Variants in SGCD observed in about 807,000 individuals in gnomAD.
SGCD encodes sarcoglycan delta.
In SGCD, 18 loss-of-function variants were observed where a neutral mutation model predicts 36.6. That is an observed-to-expected ratio of 0.49 (90% CI 0.34 to 0.73). SGCD has a LOEUF of 0.73. SGCD is among the 30% of genes least tolerant of loss of function. The pLI is 0.01. For missense variants in SGCD, 387 were observed against 346.7 expected (o/e 1.12, Z -0.92); for synonymous variants, 133 against 130.6 (o/e 1.02, Z -0.12).
intron 3 of SGCD, among the ~76,000 whole-genome samples, chr5:156,277,615 G>C (rs1206433625): frequency 6.6e-6 from 1 of 152,148 alleles, no homozygotes; most frequent in Non-Finnish European, 1.5e-5. Context: ...GTGGGAAAGA[G>C]ACTGAGTAGG....
chr5:156,733,942 T>G (rs1318137579), intron 7 of SGCD, among the ~76,000 whole-genome samples: 1 of 151,938 alleles, frequency 6.6e-6, no homozygotes, highest in South Asian at 2.1e-4. Context: ...TATTCATACA[T>G]GTGTATTTGA....
chr5:155,770,828 G>C, the SGCD span, among the ~76,000 whole-genome samples: 1 of 152,202 alleles, frequency 6.6e-6, no homozygotes, highest in Admixed American at 6.5e-5. Flanking sequence ...AGCTCGATAA[G>C]TTCATAAAAA....
At chr5:156,000,664 C>T (rs1001382004) in intron 1 of SGCD, among the ~76,000 whole-genome samples, 5 of 152,052 alleles carry the variant, frequency 3.3e-5, no homozygotes, top group Admixed American at 6.5e-5. Context: ...CTTACCCCTG[C>T]CCCACCCCAG....
chr5:156,181,904 T>A (rs1414957350), intron 3 of SGCD, among the ~76,000 whole-genome samples: 1 of 152,190 alleles, frequency 6.6e-6, no homozygotes. Flanking sequence ...ATTTGGAGGA[T>A]CTGTGACTGA....
intron 4 of SGCD, among the ~76,000 whole-genome samples, chr5:156,526,621 T>C (rs1757653580): frequency 6.6e-6 from 1 of 152,164 alleles, no homozygotes; most frequent in African/African-American, 2.4e-5. Context: ...ATGGATATTA[T>C]TAAAAATTGG....
intron 6 of SGCD, among the ~76,000 whole-genome samples, chr5:156,635,143 G>C (rs1742022575): frequency 6.6e-6 from 1 of 152,116 alleles, no homozygotes; most frequent in African/African-American, 2.4e-5. Flanking sequence ...AGGATTGCTT[G>C]AGTTCCAGAA....
At chr5:156,713,358 A>C (rs1335095934) in intron 7 of SGCD, among the ~76,000 whole-genome samples, 1 of 149,624 alleles carries the variant, frequency 6.7e-6, no homozygotes, top group African/African-American at 2.5e-5. Context: ...AAGATGACTG[A>C]AGTTTTTATA....
chr5:156,423,394 T>TA (rs1414560025), intron 3 of SGCD, among the ~76,000 whole-genome samples: 9 of 91,670 alleles, frequency 9.8e-5, no homozygotes, highest in African/African-American at 1.4e-4. Flanking sequence ...TAATATATTA[T>TA]ATTTTATTAT....
rs946260858 is a variant in SGCD at position 156,760,546 on chromosome 5, A to C, written c.*1156A>C. The C allele has an allele frequency of 6.6e-6, 1 of 152,614 alleles. No homozygotes were observed. The highest frequency in any genetic ancestry group is 6.5e-5 in the Admixed American group (1 of 15,274). 9.5% of individuals were successfully genotyped at this position (152,614 alleles called of 1,614,324 possible). On this transcript the variant is annotated 3_prime_UTR_variant, in exon 9 of 9. Coordinates refer to ENST00000337851, the MANE Select transcript of SGCD (RefSeq NM_000337.6). ...AGCCACTATTGTGTTTTCTCTAAGA[A>C]GCACTACATGCCACCAGAATTGTGC... is the stretch of plus-strand genomic sequence containing the variant.
chr5:156,486,721 G>C (rs1276862852), intron 3 of SGCD, among the ~76,000 whole-genome samples: 2 of 152,148 alleles, frequency 1.3e-5, no homozygotes, highest in Non-Finnish European at 2.9e-5. Context: ...CCAGGGGCAT[G>C]AGAATAGACC....
At chr5:156,241,450 C>A (rs1765304369) in intron 3 of SGCD, among the ~76,000 whole-genome samples, 1 of 152,080 alleles carries the variant, frequency 6.6e-6, no homozygotes, top group East Asian at 1.9e-4. Flanking sequence ...TTTGGCATGG[C>A]AAGTGAATGA....
chr5:156,553,394 T>G, intron 4 of SGCD, among the ~76,000 whole-genome samples: 1 of 152,336 alleles, frequency 6.6e-6, no homozygotes, highest in Middle Eastern at 3.4e-3. Flanking sequence ...TTTCCCTGAT[T>G]TGATGTATTT....
chr5:156,016,031 A>G (rs1758969696), intron 1 of SGCD, among the ~76,000 whole-genome samples: 1 of 151,002 alleles, frequency 6.6e-6, no homozygotes, highest in Non-Finnish European at 1.5e-5. Context: ...AAAACAAAAC[A>G]GAAAACTTAT....
intron 3 of SGCD, among the ~76,000 whole-genome samples, chr5:156,470,920 A>G (rs1754933326): frequency 6.6e-6 from 1 of 152,352 alleles, no homozygotes; most frequent in Non-Finnish European, 1.5e-5. Flanking sequence ...CAGAAGTATA[A>G]AAGCTAGGTC....
chr5:156,523,341 G>T (rs1166289978), intron 4 of SGCD, among the ~76,000 whole-genome samples: 1 of 152,156 alleles, frequency 6.6e-6, no homozygotes, highest in Non-Finnish European at 1.5e-5. Context: ...CTCATGAGAA[G>T]ATTCATAAGC....
chr5:156,409,879 C>T (rs370781104), intron 3 of SGCD, among the ~76,000 whole-genome samples: 27 of 152,110 alleles, frequency 1.8e-4, no homozygotes, highest in African/African-American at 5.8e-4. Context: ...CATTTTAGTC[C>T]CATTATTTTT....
chr5:156,746,937 T>C (rs1271509558), intron 7 of SGCD, among the ~76,000 whole-genome samples: 6 of 152,012 alleles, frequency 3.9e-5, no homozygotes, highest in Non-Finnish European at 5.9e-5. Context: ...AAGAAACTCA[T>C]AGATTGGGAG....
chr5:156,379,159 G>T (rs566434607), intron 3 of SGCD, among the ~76,000 whole-genome samples: 177 of 152,238 alleles, frequency 1.2e-3, no homozygotes, highest in African/African-American at 4.0e-3. Context: ...CATAAAGCTT[G>T]CATTCTAATG....
intron 7 of SGCD, among the ~76,000 whole-genome samples, chr5:156,725,273 C>G (rs935011528): frequency 6.6e-6 from 1 of 152,096 alleles, no homozygotes; most frequent in African/African-American, 2.4e-5. Flanking sequence ...GATCAAGAAG[C>G]GTTGCATATC....
Sources: allele counts gnomAD v4.1 joint callset (sites outside exome capture counted in the v4.1 genomes callset), GRCh38; gene constraint gnomAD v4.1.1; transcripts MANE v1.5; gene names NCBI Gene and HGNC (gene_info 2026-07-23, HGNC 2026-07-21).